DIP2A: variants seen among roughly 807,000 people sequenced by gnomAD.
DIP2A encodes disco-interacting protein 2 homolog A.
In DIP2A, 85 loss-of-function variants were observed where a neutral mutation model predicts 177.4. The observed-to-expected ratio is 0.48, with a 90% CI of 0.40 to 0.57. The LOEUF (loss-of-function observed/expected upper bound fraction) is 0.57, where lower values mean the gene tolerates loss of function less well. Among genes scored for constraint, DIP2A ranks in the 20% least tolerant of loss-of-function variants. The pLI is 0.00. For missense variants in DIP2A, 1,791 were observed against 2,100.2 expected, an observed-to-expected ratio of 0.85 and a Z score of 2.88; for synonymous variants, 886 against 881.8, an observed-to-expected ratio of 1.00 and a Z score of -0.08.
chr21:46,482,289 G>T (rs1323814142), intron 1 of DIP2A, among the ~76,000 whole-genome samples: 1 of 152,076 alleles, frequency 6.6e-6, no homozygotes, highest in Non-Finnish European at 1.5e-5. Context: ...TTCGGGCAAC[G>T]ATTGACCACA....
intron 1 of DIP2A, among the ~76,000 whole-genome samples, chr21:46,483,120 G>C (rs749147866): frequency 1.2e-4 from 18 of 152,100 alleles, no homozygotes; most frequent in Non-Finnish European, 1.9e-4. Flanking sequence ...AGTGAATCAG[G>C]TGTGCTCATT....
chr21:46,576,852 T>C, the DIP2A span, among the ~76,000 whole-genome samples: 2 of 152,210 alleles, frequency 1.3e-5, no homozygotes, highest in Admixed American at 6.5e-5. Flanking sequence ...TCATTTGTGG[T>C]TTTGACTTGC....
chr21:46,564,650 G>A (rs2839329), intron 35 of DIP2A, among the ~76,000 whole-genome samples: 38,531 of 152,128 alleles, frequency 0.25, 5,295 homozygotes, highest in East Asian at 0.31. Context: ...TTCAAACCAG[G>A]CGGGCACAGG....
chr21:46,480,504 C>T (rs181061753), intron 1 of DIP2A, among the ~76,000 whole-genome samples: 2 of 152,126 alleles, frequency 1.3e-5, no homozygotes, highest in Non-Finnish European at 2.9e-5. Context: ...TTGTTTCCTC[C>T]TGCTCTGTGT....
intron 32 of DIP2A, chr21:46,558,599 GA>G (rs923306794): frequency 1.3e-5 from 8 of 597,630 alleles, no homozygotes; most frequent in East Asian, 5.7e-5. Context: ...GGCTTATTTG[GA>G]AAAAAAACAC....
chr21:46,558,190 T>TG, intron 31 of DIP2A, 33 bp from the exon 32 acceptor site: 1 of 1,583,734 alleles, frequency 6.3e-7, no homozygotes, highest in Non-Finnish European at 8.6e-7. Context: ...CACTGAGCTG[T>TG]GGCCGTGGCC....
intron 1 of DIP2A, among the ~76,000 whole-genome samples, chr21:46,459,866 T>G (rs1397312506): frequency 7.2e-5 from 11 of 152,116 alleles, no homozygotes; most frequent in Non-Finnish European, 1.2e-4. Context: ...CTAGGTCGTT[T>G]GGACAGGTGT....
rs182227098 is a variant in DIP2A at position 46,551,920 on chromosome 21, G to A, written c.3030+16G>A. ...GAACGCCAAGGTGAGGCAGTGTCAC[G>A]CCCACGGGGCTTGGAAACACCTGTG... On this transcript the variant is annotated intron_variant, in intron 25 of 37. Transcript: ENST00000417564. 6.9e-5 allele frequency: 109 copies of A among 1,585,608 alleles called. No homozygotes were observed. The highest frequency in any genetic ancestry group is 5.0e-4 in the African/African-American group (37 of 74,550).
rs1236508177 is a variant in DIP2A, at chr21:46,514,627, T to TG, written c.1102+3013_1102+3014insG. Among the ~76,000 whole-genome samples, 29 of 139,884 alleles carry TG rather than the reference T, an allele frequency of 2.1e-4. 1 individual carries two copies. In the East Asian group the frequency reaches 4.9e-3, roughly 24 times the overall value. The allele number at this position is 139,884 out of a possible 152,430, so 91.8% of individuals were successfully genotyped here. On this transcript the variant is annotated intron_variant, in intron 8 of 37. Transcript: ENST00000417564. Reference sequence around the variant, plus strand: ...ACTTAAACTTTTATTCTTTTTTTTTTTTTTTTTTTTTTTGGTTTTTTTTTT... The same window carrying TG: ...ACTTAAACTTTTATTCTTTTTTTTTTGTTTTTTTTTTTTTGGTTTTTTTTTT...
intron 1 of DIP2A, among the ~76,000 whole-genome samples, chr21:46,480,452 A>T (rs1399440259): frequency 2.0e-5 from 3 of 152,172 alleles, no homozygotes; most frequent in Non-Finnish European, 4.4e-5. Context: ...TGGGGAGGAC[A>T]CAGAGCCAGA....
the DIP2A span, among the ~76,000 whole-genome samples, chr21:46,578,654 T>G: frequency 6.6e-6 from 1 of 152,244 alleles, no homozygotes; most frequent in African/African-American, 2.4e-5. Context: ...TTATTGAAAG[T>G]ATTAATGTGA....
chr21:46,486,598 G>A (rs1419523110), intron 2 of DIP2A, among the ~76,000 whole-genome samples: 2 of 152,196 alleles, frequency 1.3e-5, no homozygotes, highest in African/African-American at 4.8e-5. Context: ...TTCATAAGAG[G>A]AAATCCAAAT....
In DIP2A at chr21:46,558,346, G is replaced by A. The variant is rs761968169; in HGVS notation, c.3922G>A (p.Val1308Ile). The change falls in exon 32 of 38, where the codon GTA (valine) becomes ATA (isoleucine). Residue 1308 changes from valine (V) to isoleucine (I), a missense_variant. By Grantham distance (29) the Val-to-Ile change is conservative. Transcript: ENST00000417564. The stretch of plus-strand genomic sequence containing the variant: ...GGACCTGGGCCTGCCGGCCCGCGCC[G>A]TAAGCACCACGTTCGGGTGCAGGGT... ...FKDLGLPARA[V>I]STTFGCRVNV... 1.6e-5 allele frequency: 26 copies of A among 1,606,542 alleles called. No individual in the cohort carries two copies. Among genetic ancestry groups the A allele is most frequent in the Admixed American group, 1.0e-4 (6 of 59,372 alleles).
At chr21:46,507,271 C>CT (rs1167446058) in intron 6 of DIP2A, among the ~76,000 whole-genome samples, 1 of 152,162 alleles carries the variant, frequency 6.6e-6, no homozygotes, top group East Asian at 1.9e-4. Flanking sequence ...TGTGTCATAT[C>CT]TAAGAAATTT....
chr21:46,575,966 AAGAC>A, the DIP2A span, among the ~76,000 whole-genome samples: 1 of 152,230 alleles, frequency 6.6e-6, no homozygotes, highest in Admixed American at 6.5e-5. Context: ...AAAAAGCTGT[AAGAC>A]AGTTCTCCAA....
chr21:46,508,818 C>A (rs901054945), intron 6 of DIP2A, among the ~76,000 whole-genome samples: 1 of 151,638 alleles, frequency 6.6e-6, no homozygotes, highest in Admixed American at 6.6e-5. Context: ...GTGAAGAGAT[C>A]GATACCATCC....
chr21:46,478,794 T>C (rs889693213), intron 1 of DIP2A, among the ~76,000 whole-genome samples: 6 of 152,128 alleles, frequency 3.9e-5, no homozygotes, highest in African/African-American at 1.4e-4. Flanking sequence ...TCCCTAAACA[T>C]ATTGATTATG....
the DIP2A span, among the ~76,000 whole-genome samples, chr21:46,579,631 C>T: frequency 6.6e-6 from 1 of 152,092 alleles, no homozygotes; most frequent in Admixed American, 6.5e-5. Context: ...TAGCTGCATC[C>T]CAGAGATTCT....
chr21:46,528,559 T>TTTTTTTTTTTTTTTTTTTTTTTTTTC (rs2059217253), intron 8 of DIP2A, among the ~76,000 whole-genome samples: 1 of 100,782 alleles, frequency 9.9e-6, no homozygotes, highest in African/African-American at 3.3e-5. Flanking sequence ...TTTTTTTTTT[T>TTTTTTTTTTTTTTTTTTTTTTTTTTC]TTTTTTTTTA....
Sources: allele counts gnomAD v4.1 joint callset (sites outside exome capture counted in the v4.1 genomes callset), GRCh38; gene constraint gnomAD v4.1.1; transcripts MANE v1.5; gene names NCBI Gene and HGNC (gene_info 2026-07-23, HGNC 2026-07-21).